Variants in WDFY2 observed in about 807,000 individuals in gnomAD.
WDFY2 encodes WD repeat and FYVE domain containing 2.
A neutral mutation model predicts 56.4 loss-of-function variants in WDFY2; 36 were observed. The ratio of observed to expected loss-of-function variants is 0.64; its 90% CI spans 0.49 to 0.84. The LOEUF (loss-of-function observed/expected upper bound fraction) is 0.84, where lower values mean the gene tolerates loss of function less well. Among genes scored for constraint, WDFY2 ranks in the 40% least tolerant of loss-of-function variants. The pLI is 0.00. For missense variants in WDFY2, 444 were observed against 512.2 expected, an observed-to-expected ratio of 0.87 and a Z score of 1.29; for synonymous variants, 176 against 183.7, an observed-to-expected ratio of 0.96 and a Z score of 0.34.
intron 1 of WDFY2, among the ~76,000 whole-genome samples, chr13:51,636,908 G>A (rs545599633): frequency 3.9e-5 from 6 of 152,178 alleles, no homozygotes; most frequent in Non-Finnish European, 5.9e-5. Context: ...AATGATCTTC[G>A]ATCCATACCT....
At chr13:51,597,537 G>A (rs1429109750) in intron 1 of WDFY2, among the ~76,000 whole-genome samples, 4 of 152,028 alleles carry the variant, frequency 2.6e-5, no homozygotes, top group Non-Finnish European at 5.9e-5. Flanking sequence ...CAAAACTTTT[G>A]CTTAAAAAGT....
chr13:51,667,463 C>G (rs1279758924), intron 2 of WDFY2, among the ~76,000 whole-genome samples: 1 of 152,128 alleles, frequency 6.6e-6, no homozygotes, highest in Non-Finnish European at 1.5e-5. Flanking sequence ...ATTCCACCTC[C>G]TCTGCTGGGT....
At chr13:51,616,294 A>G (rs892815041) in intron 1 of WDFY2, among the ~76,000 whole-genome samples, 4 of 152,224 alleles carry the variant, frequency 2.6e-5, no homozygotes, top group African/African-American at 9.6e-5. Flanking sequence ...CAAAATTCAG[A>G]TAGCGATTTT....
At chr13:51,653,091 G>T (rs1955430217) in intron 1 of WDFY2, among the ~76,000 whole-genome samples, 1 of 152,124 alleles carries the variant, frequency 6.6e-6, no homozygotes, top group Non-Finnish European at 1.5e-5. Context: ...TTTCTTGGAG[G>T]CTTTGTTTGT....
chr13:51,682,987 C>T (rs945730583), intron 3 of WDFY2, among the ~76,000 whole-genome samples: 1 of 152,130 alleles, frequency 6.6e-6, no homozygotes, highest in Admixed American at 6.5e-5. Context: ...CATGGGCTGT[C>T]TTCTGACATG....
rs1310688380 is a variant in WDFY2 at position 51,766,309 on chromosome 13, C to CT, written c.*6541dup. The stretch of plus-strand genomic sequence containing the variant: ...GAAGGTGCTGGCCCCACATTAGTGC[C>CT]TGCCCACCGCTCTACTTCTAACCAG... On this transcript the variant is annotated 3_prime_UTR_variant, in exon 12 of 12. Coordinates refer to ENST00000298125, the MANE Select transcript of WDFY2 (RefSeq NM_052950.4). The CT allele has an allele frequency of 2.0e-5, 3 of 152,386 alleles. No individual in the cohort carries two copies. The highest frequency in any genetic ancestry group is 7.2e-5 in the African/African-American group (3 of 41,588). 9.4% of individuals were successfully genotyped at this position (152,386 alleles called of 1,614,324 possible).
chr13:51,667,717 G>T (rs1466746974), intron 2 of WDFY2, among the ~76,000 whole-genome samples: 1 of 151,992 alleles, frequency 6.6e-6, no homozygotes, highest in Non-Finnish European at 1.5e-5. Flanking sequence ...GTTCCTGGTT[G>T]TGAAATGTAT....
At chr13:51,694,371 C>T (rs1951816256) in intron 3 of WDFY2, among the ~76,000 whole-genome samples, 1 of 152,170 alleles carries the variant, frequency 6.6e-6, no homozygotes, top group Admixed American at 6.5e-5. Flanking sequence ...TCTTTTAGGG[C>T]AGGCCTGGTG....
At chr13:51,737,550 T>TAAAA (rs1566207262) in intron 6 of WDFY2, among the ~76,000 whole-genome samples, 2 of 49,574 alleles carry the variant, frequency 4.0e-5, no homozygotes, top group Admixed American at 2.9e-4. Context: ...GACAATGAAT[T>TAAAA]TAAAAAAAAA....
At chr13:51,704,027 CCAAGGGGAAGAATTGTGG>C in intron 4 of WDFY2, among the ~76,000 whole-genome samples, 1 of 152,128 alleles carries the variant, frequency 6.6e-6, no homozygotes, top group Non-Finnish European at 1.5e-5. Context: ...AGTGTGTTGT[CCAAGGGGAAGAATTGTGG>C]TTTTATCATG....
intron 1 of WDFY2, chr13:51,586,992 C>T (rs962884756): frequency 1.3e-5 from 2 of 152,130 alleles, no homozygotes; most frequent in Non-Finnish European, 2.9e-5. Context: ...GTTAATGTCA[C>T]TTGGTACAAT....
At chr13:51,687,976 A>G (rs563327242) in intron 3 of WDFY2, among the ~76,000 whole-genome samples, 1 of 152,324 alleles carries the variant, frequency 6.6e-6, no homozygotes, top group South Asian at 2.1e-4. Flanking sequence ...TGCGCAGGTC[A>G]CTGTCAAAGA....
chr13:51,689,363 G>C (rs1307008432), intron 3 of WDFY2, among the ~76,000 whole-genome samples: 1 of 152,100 alleles, frequency 6.6e-6, no homozygotes, highest in East Asian at 1.9e-4. Flanking sequence ...TTTGTTTTTT[G>C]TGCTATATGT....
At chr13:51,697,390 C>T (rs748004188) in intron 3 of WDFY2, among the ~76,000 whole-genome samples, 4 of 152,032 alleles carry the variant, frequency 2.6e-5, no homozygotes, top group African/African-American at 7.2e-5. Context: ...CCAGCACTTT[C>T]GGAAGGCTGA....
At chr13:51,631,391 TA>T (rs374903152) in intron 1 of WDFY2, among the ~76,000 whole-genome samples, 1,543 of 122,986 alleles carry the variant, frequency 0.013, 8 homozygotes, top group African/African-American at 0.027. Context: ...ATCCTGTCTC[TA>T]AAAAAAAAAA....
chr13:51,612,543 T>C (rs1181727372), intron 1 of WDFY2, among the ~76,000 whole-genome samples: 1 of 152,254 alleles, frequency 6.6e-6, no homozygotes, highest in African/African-American at 2.4e-5. Context: ...TGTTAAGCTC[T>C]GTCTATGCTT....
chr13:51,730,348 G>C (rs1952696353), intron 6 of WDFY2, among the ~76,000 whole-genome samples: 1 of 152,120 alleles, frequency 6.6e-6, no homozygotes, highest in African/African-American at 2.4e-5. Flanking sequence ...TTACATTGTG[G>C]CCATTCCTTC....
intron 1 of WDFY2, among the ~76,000 whole-genome samples, chr13:51,627,630 C>T (rs753951759): frequency 1.1e-4 from 17 of 152,208 alleles, no homozygotes; most frequent in South Asian, 2.1e-4. Flanking sequence ...GTGGTCCGCC[C>T]GCTTTGGCCT....
At chr13:51,647,446 A>G (rs1431553721) in intron 1 of WDFY2, among the ~76,000 whole-genome samples, 1 of 152,202 alleles carries the variant, frequency 6.6e-6, no homozygotes, top group Non-Finnish European at 1.5e-5. Flanking sequence ...AGCGTAAGGT[A>G]AAAATATGGT....
Sources: gnomAD v4.1 joint callset for allele counts (sites outside exome capture counted in the v4.1 genomes callset) on GRCh38, gnomAD v4.1.1 for gene constraint, MANE v1.5 for transcripts, NCBI Gene and HGNC (gene_info 2026-07-23, HGNC 2026-07-21) for gene names.